The following KCNIP4 variants were observed in gnomAD, a reference collection of about 807,000 sequenced individuals.
The protein encoded by KCNIP4 is potassium voltage-gated channel interacting protein 4, also known as Kv channel-interacting protein 4.
Under a neutral mutation model 34.0 loss-of-function variants are expected in KCNIP4, and 12 were observed. The ratio of observed to expected loss-of-function variants is 0.35; its 90% CI spans 0.23 to 0.57. KCNIP4 has a LOEUF of 0.57. KCNIP4 is among the 20% of genes least tolerant of loss of function. The pLI is 0.83. For synonymous variants in KCNIP4, 124 were observed against 102.2 expected, an observed-to-expected ratio of 1.21 and a Z score of -1.29; for missense variants, 238 against 311.7, an observed-to-expected ratio of 0.76 and a Z score of 1.78.
chr4:20,931,145 G>A (rs1323944665), intron 1 of KCNIP4, among the ~76,000 whole-genome samples: 1 of 151,096 alleles, frequency 6.6e-6, no homozygotes, highest in Non-Finnish European at 1.5e-5. Context: ...TAAGAGTCAG[G>A]TTGACAGATG....
chr4:20,991,665 C>T (rs529197857), intron 1 of KCNIP4, among the ~76,000 whole-genome samples: 18 of 152,278 alleles, frequency 1.2e-4, no homozygotes, highest in South Asian at 6.2e-4. Flanking sequence ...CCAGTCTATG[C>T]GTCTCTTATA....
At chr4:21,838,624 A>C (rs1457709360) in intron 1 of KCNIP4, among the ~76,000 whole-genome samples, 1 of 152,188 alleles carries the variant, frequency 6.6e-6, no homozygotes, top group Non-Finnish European at 1.5e-5. Flanking sequence ...CTACATATTA[A>C]CATTGATATC....
intron 1 of KCNIP4, among the ~76,000 whole-genome samples, chr4:20,964,795 G>A (rs1406325050): frequency 6.6e-6 from 1 of 152,164 alleles, no homozygotes; most frequent in Non-Finnish European, 1.5e-5. Flanking sequence ...CTAATATGGA[G>A]TAATTGGTGA....
In KCNIP4 at chr4:21,807,296, G is replaced by A. The variant is rs572656058; in HGVS notation, c.61+141275C>T. Among the ~76,000 whole-genome samples the A allele has an allele frequency of 4.6e-5, 7 of 152,090 alleles. 1 individual carries two copies. Among genetic ancestry groups the A allele is most frequent in the East Asian group, 3.9e-4 (2 of 5,178 alleles). On this transcript the variant is annotated intron_variant, in intron 1 of 8. Transcript: ENST00000382152. ...TGATTCCTAACAGACCACAGACTGC[G>A]ACTCGTCCATGGCCTGAGGGTTGGG...
chr4:20,888,750 A>T (rs1323865181), intron 1 of KCNIP4, among the ~76,000 whole-genome samples: 1 of 152,150 alleles, frequency 6.6e-6, no homozygotes, highest in Non-Finnish European at 1.5e-5. Flanking sequence ...AAGTCAAAAT[A>T]ATCCTAGTTT....
At chr4:21,409,644 A>C (rs77006971) in intron 1 of KCNIP4, among the ~76,000 whole-genome samples, 2 of 152,198 alleles carry the variant, frequency 1.3e-5, no homozygotes, top group Admixed American at 6.5e-5. Flanking sequence ...TTTTAATCTA[A>C]TATTCATTCT....
intron 1 of KCNIP4, among the ~76,000 whole-genome samples, chr4:21,690,184 G>A (rs1751163530): frequency 6.7e-6 from 1 of 149,638 alleles, no homozygotes; most frequent in Non-Finnish European, 1.5e-5. Context: ...CATCAACGAT[G>A]ATCTCTGTCA....
Position 21,948,614 on chromosome 4 carries a change from C to T in KCNIP4, c.18G>A (p.Val6=). 5 of 1,613,632 alleles carry T rather than the reference C, an allele frequency of 3.1e-6. No individual in the cohort carries two copies. Among genetic ancestry groups the T allele is most frequent in the Non-Finnish European group, 3.4e-6 (4 of 1,179,816 alleles). The change falls in exon 1 of 9, where the codon GTG becomes GTA. Residue 6 remains valine (V), a synonymous_variant. Coordinates refer to ENST00000382152, the MANE Select transcript of KCNIP4 (RefSeq NM_025221.6). MNVRR[V]ESISAQLEEA... ...CCTCCAGCTGAGCCGAAATGCTTTC[C>T]ACCCTCCTCACATTCATGTCTAGGG...
intron 1 of KCNIP4, among the ~76,000 whole-genome samples, chr4:21,393,076 C>G (rs1327019316): frequency 6.6e-6 from 1 of 152,116 alleles, no homozygotes; most frequent in African/African-American, 2.4e-5. Flanking sequence ...GATGATGTAT[C>G]ACTGAAACGT....
In KCNIP4 at chr4:21,214,853, C is replaced by A. The variant is rs146962624; in HGVS notation, c.62-332144G>T. Reference sequence around the variant, plus strand: ...ATGCAGGAGGTAATTTCTTTCTATCCTTTCTTGGGCTTCACAGCTAATTTT... The same window carrying A: ...ATGCAGGAGGTAATTTCTTTCTATCATTTCTTGGGCTTCACAGCTAATTTT... On this transcript the variant is annotated intron_variant, in intron 1 of 8. Coordinates refer to ENST00000382152, the MANE Select transcript of KCNIP4 (RefSeq NM_025221.6). 3.6e-3 allele frequency among the ~76,000 whole-genome samples: 548 copies of A among 152,146 alleles called. 4 individuals are homozygous for A. The highest frequency in any genetic ancestry group is 0.021 in the South Asian group (101 of 4,814).
At chr4:21,247,196 G>C (rs186997877) in intron 1 of KCNIP4, among the ~76,000 whole-genome samples, 1 of 152,130 alleles carries the variant, frequency 6.6e-6, no homozygotes, top group Non-Finnish European at 1.5e-5. Flanking sequence ...AGACTGTGAA[G>C]ATGAGCAACT....
chr4:20,812,820 G>A (rs1028137074), intron 3 of KCNIP4, among the ~76,000 whole-genome samples: 2 of 152,020 alleles, frequency 1.3e-5, no homozygotes, highest in African/African-American at 4.8e-5. Context: ...CAAACTTAAG[G>A]ACCTAAGTTA....
intron 3 of KCNIP4, among the ~76,000 whole-genome samples, chr4:20,815,051 A>C (rs1376384956): frequency 6.6e-6 from 1 of 152,182 alleles, no homozygotes; most frequent in African/African-American, 2.4e-5. Context: ...AATAAGCTTT[A>C]ATGAATGGTA....
At chr4:21,556,510 T>C (rs1739020390) in intron 1 of KCNIP4, among the ~76,000 whole-genome samples, 1 of 152,182 alleles carries the variant, frequency 6.6e-6, no homozygotes, top group African/African-American at 2.4e-5. Flanking sequence ...CTTTGTCTTT[T>C]AACCAGATGA....
chr4:20,993,181 G>A (rs564954791), intron 1 of KCNIP4, among the ~76,000 whole-genome samples: 242 of 152,226 alleles, frequency 1.6e-3, no homozygotes, highest in African/African-American at 5.6e-3. Flanking sequence ...ATGTAGCCTG[G>A]TTTTTGGACC....
At position 21,426,189 on chromosome 4, in the gene KCNIP4, G is replaced by A. The variant is rs560029111; in HGVS notation, c.61+522382C>T. On this transcript the variant is annotated intron_variant, in intron 1 of 8. Transcript: ENST00000382152. ...CTAAGGAAAATAAAGAGGCACAAAA[G>A]ACCACTTTATTGTGATTCAATTTAC... 2.0e-5 allele frequency among the ~76,000 whole-genome samples: 3 copies of A among 152,268 alleles called. 1 individual carries two copies. The highest frequency in any genetic ancestry group is 7.2e-5 in the African/African-American group (3 of 41,536).
intron 1 of KCNIP4, among the ~76,000 whole-genome samples, chr4:21,170,281 T>C (rs537811982): frequency 3.7e-4 from 57 of 152,322 alleles, no homozygotes; most frequent in African/African-American, 1.3e-3. Context: ...TAAAGGGAAG[T>C]ATTTTTATAT....
At chr4:20,847,377 G>A (rs2149479067) in intron 3 of KCNIP4, among the ~76,000 whole-genome samples, 1 of 152,184 alleles carries the variant, frequency 6.6e-6, no homozygotes, top group East Asian at 1.9e-4. Context: ...GCATCACCTT[G>A]GAACTTGTAA....
intron 1 of KCNIP4, among the ~76,000 whole-genome samples, chr4:21,122,231 C>T (rs1422687635): frequency 1.5e-5 from 2 of 137,222 alleles, no homozygotes; most frequent in South Asian, 2.3e-4. Flanking sequence ...CCCCCAGGTA[C>T]TCAGGGTTAA....
Sources: allele counts gnomAD v4.1 joint callset (sites outside exome capture counted in the v4.1 genomes callset), GRCh38; gene constraint gnomAD v4.1.1; transcripts MANE v1.5; gene names NCBI Gene and HGNC (gene_info 2026-07-23, HGNC 2026-07-21).